The following PPARGC1A variants were observed in gnomAD, a reference collection of about 807,000 sequenced individuals.
PPARGC1A encodes peroxisome proliferator-activated receptor gamma coactivator 1-alpha.
In PPARGC1A, 25 loss-of-function variants were observed where a neutral mutation model predicts 88.7. That is an observed-to-expected ratio of 0.28 (90% CI 0.21 to 0.39). The LOEUF is 0.39. PPARGC1A is among the 10% of genes least tolerant of loss of function. The pLI is 1.00. For missense variants in PPARGC1A, 880 were observed against 968.7 expected (o/e 0.91, Z 1.22); for synonymous variants, 363 against 355.6 (o/e 1.02, Z -0.24).
chr4:24,097,503 A>G, the PPARGC1A span, among the ~76,000 whole-genome samples: 2 of 152,118 alleles, frequency 1.3e-5, no homozygotes, highest in Non-Finnish European at 2.9e-5. Context: ...GTTTTCCCAT[A>G]GATTTTACTT....
At chr4:24,417,503 G>A in the PPARGC1A span, among the ~76,000 whole-genome samples, 1 of 152,208 alleles carries the variant, frequency 6.6e-6, no homozygotes, top group Non-Finnish European at 1.5e-5. Context: ...ACCTCTCTGG[G>A]TGTATGTAAA....
At chr4:24,226,912 C>G in the PPARGC1A span, among the ~76,000 whole-genome samples, 1 of 152,114 alleles carries the variant, frequency 6.6e-6, no homozygotes, top group Non-Finnish European at 1.5e-5. Context: ...AGCTCGGTCA[C>G]TCTCCCACAC....
chr4:24,347,511 C>T, the PPARGC1A span, among the ~76,000 whole-genome samples: 1 of 151,966 alleles, frequency 6.6e-6, no homozygotes, highest in African/African-American at 2.4e-5. Flanking sequence ...ATATACTGTC[C>T]CTCTTTGTCT....
At chr4:24,206,962 G>A in the PPARGC1A span, among the ~76,000 whole-genome samples, 2 of 149,150 alleles carry the variant, frequency 1.3e-5, no homozygotes, top group African/African-American at 5.0e-5. Flanking sequence ...TTTACAATTG[G>A]TAGGGAGAAA....
chr4:23,981,824 C>A, the PPARGC1A span, among the ~76,000 whole-genome samples: 1 of 152,070 alleles, frequency 6.6e-6, no homozygotes, highest in African/African-American at 2.4e-5. Context: ...GATTCCCTCA[C>A]GCTTTTTTTT....
chr4:24,039,092 A>G, the PPARGC1A span, among the ~76,000 whole-genome samples: 1 of 152,180 alleles, frequency 6.6e-6, no homozygotes, highest in East Asian at 1.9e-4. Context: ...ATATGGACAA[A>G]ATACATTCTG....
the PPARGC1A span, among the ~76,000 whole-genome samples, chr4:24,356,068 G>T: frequency 6.6e-6 from 1 of 151,942 alleles, no homozygotes. Flanking sequence ...GTGGTGGCGC[G>T]TGCCTGTAAT....
intron 2 of PPARGC1A, among the ~76,000 whole-genome samples, chr4:23,843,270 G>T (rs954382402): frequency 6.6e-6 from 1 of 151,908 alleles, no homozygotes; most frequent in Non-Finnish European, 1.5e-5. Flanking sequence ...TTTTTTAAAG[G>T]CCGTATAATA....
the PPARGC1A span, among the ~76,000 whole-genome samples, chr4:24,127,790 C>G: frequency 1.3e-5 from 2 of 152,012 alleles, no homozygotes; most frequent in African/African-American, 4.8e-5. Context: ...GTTACATAAA[C>G]ACGGCTAGTA....
the PPARGC1A span, among the ~76,000 whole-genome samples, chr4:23,910,325 T>TATATATTATATATTA: frequency 2.2e-5 from 1 of 45,230 alleles, no homozygotes; most frequent in Non-Finnish European, 3.4e-5. Context: ...ATTATATATA[T>TATATATTATATATTA]TATATATTAT....
At chr4:24,231,733 T>C in the PPARGC1A span, among the ~76,000 whole-genome samples, 5 of 152,106 alleles carry the variant, frequency 3.3e-5, no homozygotes, top group African/African-American at 1.2e-4. Flanking sequence ...ATTTGGGATA[T>C]GTGCTTTTTT....
intron 2 of PPARGC1A, among the ~76,000 whole-genome samples, chr4:23,835,536 T>C (rs936894615): frequency 1.9e-4 from 29 of 151,054 alleles, no homozygotes; most frequent in African/African-American, 6.6e-4. Flanking sequence ...AGGGCTACTA[T>C]TCAACCAGTA....
At chr4:24,435,085 T>G in the PPARGC1A span, among the ~76,000 whole-genome samples, 2 of 152,220 alleles carry the variant, frequency 1.3e-5, no homozygotes, top group Non-Finnish European at 2.9e-5. Flanking sequence ...GTCTTTGCTT[T>G]AACTCTTTTT....
At chr4:23,884,556 AT>A (rs1265953191) in intron 2 of PPARGC1A, 195 bp downstream of exon 2, 2 of 483,394 alleles carry the variant, frequency 4.1e-6, no homozygotes, top group African/African-American at 4.0e-5. Context: ...TATTTTTTAA[AT>A]CTTTAAAAAA....
chr4:23,865,341 T>C (rs1711691484), intron 2 of PPARGC1A, among the ~76,000 whole-genome samples: 1 of 152,182 alleles, frequency 6.6e-6, no homozygotes, highest in Admixed American at 6.5e-5. Flanking sequence ...GGAGAAGCAG[T>C]AAGAACCAGG....
chr4:24,303,259 TA>T, the PPARGC1A span, among the ~76,000 whole-genome samples: 3 of 151,720 alleles, frequency 2.0e-5, no homozygotes, highest in African/African-American at 4.8e-5. Context: ...AGTTGCAAAG[TA>T]AAAAAAATAT....
At chr4:24,384,201 C>T in the PPARGC1A span, among the ~76,000 whole-genome samples, 48 of 152,190 alleles carry the variant, frequency 3.2e-4, no homozygotes, top group African/African-American at 1.1e-3. Flanking sequence ...TTTGTCACCA[C>T]CAGGTCTGCC....
intron 2 of PPARGC1A, among the ~76,000 whole-genome samples, chr4:23,861,290 G>A (rs1173653932): frequency 1.3e-5 from 2 of 152,190 alleles, no homozygotes; most frequent in East Asian, 1.9e-4. Flanking sequence ...AATTACTGAC[G>A]TATCTGAAGA....
the PPARGC1A span, among the ~76,000 whole-genome samples, chr4:23,940,989 T>G: frequency 6.6e-6 from 1 of 152,214 alleles, no homozygotes; most frequent in Non-Finnish European, 1.5e-5. Flanking sequence ...TTAATGTTTG[T>G]TAAACAGATA....
Sources: allele counts gnomAD v4.1 joint callset (sites outside exome capture counted in the v4.1 genomes callset), GRCh38; gene constraint gnomAD v4.1.1; transcripts MANE v1.5; gene names NCBI Gene and HGNC (gene_info 2026-07-23, HGNC 2026-07-21).